MMRN1: variants seen among roughly 807,000 people sequenced by gnomAD.
MMRN1 encodes multimerin-1.
In MMRN1, 94 loss-of-function variants were observed where a neutral mutation model predicts 100.7. The ratio of observed to expected loss-of-function variants is 0.93; its 90% CI spans 0.79 to 1.11. The LOEUF (loss-of-function observed/expected upper bound fraction) is 1.11, where lower values mean the gene tolerates loss of function less well. Among genes scored for constraint, MMRN1 ranks in the 50% least tolerant of loss-of-function variants. The pLI is 0.00. For synonymous variants in MMRN1, 575 were observed against 505.0 expected, an observed-to-expected ratio of 1.14 and a Z score of -1.86; for missense variants, 1,606 against 1,439.1, an observed-to-expected ratio of 1.12 and a Z score of -1.88.
intron 3 of MMRN1, among the ~76,000 whole-genome samples, chr4:89,914,873 C>G (rs979511045): frequency 6.6e-6 from 1 of 151,440 alleles, no homozygotes; most frequent in Non-Finnish European, 1.5e-5. Context: ...GATTTAAATA[C>G]AAATAGTGTT....
At chr4:89,890,246 T>C (rs1164313233), upstream of MMRN1, among the ~76,000 whole-genome samples, 3 of 151,140 alleles carry the variant, frequency 2.0e-5, no homozygotes, top group Non-Finnish European at 4.4e-5. Context: ...TTTTTTTTTT[T>C]TTTCCCCTGT....
rs1356628830 is a variant in MMRN1 at position 89,935,780 on chromosome 4, C to T, written c.2100C>T (p.Asn700=). Residue 700 remains asparagine, a synonymous_variant, in exon 6 of 8, where the codon AAC becomes AAT. Transcript: ENST00000264790. The part of the protein sequence containing the change: ...FIIKELTKRH[N]LLRNEVQGRD... ...TCAAAGAACTTACAAAAAGACACAA[C>T]TTACTTAGAAATGAAGTACAGGGTC... 2.5e-6 allele frequency: 4 copies of T among 1,612,724 alleles called. No individual in the cohort carries two copies. The African/African-American group carries it at 5.3e-5, about 22-fold the overall frequency.
chr4:89,901,546 T>A (rs1171557779), intron 1 of MMRN1, among the ~76,000 whole-genome samples: 1 of 152,070 alleles, frequency 6.6e-6, no homozygotes, highest in Admixed American at 6.6e-5. Flanking sequence ...ATTCTTGTGT[T>A]GTTTTCAAAG....
Position 89,909,367 on chromosome 4 carries a change from G to A in MMRN1, c.715G>A (p.Gly239Ser), listed in dbSNP as rs184318183. ...TGTCCCAGGTGGGAAAGGACCTTGT[G>A]GCTGGACCGGTGGATCCTGTCCTCA... ...TYVPGGKGPCGWTGGSCPQRS... is the reference protein window; with the variant it reads ...TYVPGGKGPCSWTGGSCPQRS... The change falls in exon 2 of 8, where the codon GGC becomes AGC. Residue 239 changes from glycine (G) to serine (S), a missense_variant. Physicochemically the swap from Gly to Ser is moderately conservative, Grantham distance 56. Coordinates refer to ENST00000264790, the MANE Select transcript of MMRN1 (RefSeq NM_007351.3). The A allele has an allele frequency of 4.5e-5, 73 of 1,609,860 alleles. No homozygotes were observed. In the Admixed American group the frequency reaches 8.7e-4, roughly 19 times the overall value.
chr4:89,898,627 G>A lies in MMRN1; in HGVS notation c.623+3033G>A, dbSNP rs934540000. On this transcript the variant is annotated intron_variant, in intron 1 of 7. Coordinates refer to ENST00000264790, the MANE Select transcript of MMRN1 (RefSeq NM_007351.3). ...GCCTACCTCCCCAACCTCATCTTCC[G>A]CCACTTCCGGCTATTCAAATAAGTG... 4.0e-5 allele frequency among the ~76,000 whole-genome samples: 6 copies of A among 150,746 alleles called. No homozygotes were observed. In the South Asian group the frequency reaches 8.4e-4, roughly 21 times the overall value.
chr4:89,950,846 A>G (rs971162845), intron 6 of MMRN1, among the ~76,000 whole-genome samples: 1 of 152,014 alleles, frequency 6.6e-6, no homozygotes, highest in Non-Finnish European at 1.5e-5. Flanking sequence ...GGTGTGAGCC[A>G]CCATACCCGG....
At chr4:89,888,658 T>C (rs930487905) in intron 1 of MMRN1, among the ~76,000 whole-genome samples, 1 of 152,150 alleles carries the variant, frequency 6.6e-6, no homozygotes, top group Non-Finnish European at 1.5e-5. Context: ...GTTTCAGTTT[T>C]GATAATCTCT....
rs74333048 is a variant in MMRN1 at position 89,950,288 on chromosome 4, A to G, written c.3119-1317A>G. Among the ~76,000 whole-genome samples the G allele has an allele frequency of 8.4e-3, 1,276 of 152,288 alleles. 20 individuals are homozygous for G. Among genetic ancestry groups the G allele is most frequent in the African/African-American group, 0.029 (1,204 of 41,562 alleles). On this transcript the variant is annotated intron_variant, in intron 6 of 7. Coordinates refer to ENST00000264790, the MANE Select transcript of MMRN1 (RefSeq NM_007351.3). ...TTTAAATTTTTCAAGAATGCAAGTG[A>G]TATCATTTTGAATTGAAGAATTGTC...
intron 1 of MMRN1, among the ~76,000 whole-genome samples, chr4:89,907,961 G>A (rs192977832): frequency 3.7e-4 from 56 of 150,682 alleles, no homozygotes; most frequent in African/African-American, 1.3e-3. Context: ...TCTGGATTTT[G>A]TTGTTTGCAA....
chr4:89,951,092 G>T (rs1723156987), intron 6 of MMRN1, among the ~76,000 whole-genome samples: 2 of 152,000 alleles, frequency 1.3e-5, no homozygotes, highest in South Asian at 2.1e-4. Flanking sequence ...TGCTTTGAAA[G>T]AATTTTTTAA....
At chr4:89,894,851 T>C, upstream of MMRN1, 1 of 1,460,302 alleles carries the variant, frequency 6.8e-7, no homozygotes, top group Non-Finnish European at 9.0e-7. Context: ...CTGTTTCCTC[T>C]ACACATCTCA....
chr4:89,915,895 C>T (rs1245429821), intron 3 of MMRN1, among the ~76,000 whole-genome samples: 1 of 151,628 alleles, frequency 6.6e-6, no homozygotes, highest in Admixed American at 6.6e-5. Context: ...GAAATCTGTC[C>T]TGTATGGAAC....
intron 1 of MMRN1, chr4:89,902,029 C>A (rs527831277): frequency 6.6e-6 from 1 of 151,962 alleles, no homozygotes; most frequent in African/African-American, 2.4e-5. Context: ...AAGCCTGACA[C>A]CTACTGGAAT....
chr4:89,889,860 C>A (rs1721012725), upstream of MMRN1, among the ~76,000 whole-genome samples: 1 of 152,068 alleles, frequency 6.6e-6, no homozygotes, highest in Non-Finnish European at 1.5e-5. Flanking sequence ...TTAAAACAAT[C>A]TCTAGTACAT....
chr4:89,937,604 T>G (rs1265597415), intron 6 of MMRN1, among the ~76,000 whole-genome samples: 1 of 152,076 alleles, frequency 6.6e-6, no homozygotes, highest in African/African-American at 2.4e-5. Context: ...AGGTAAAAAG[T>G]TCACCTCTCT....
At chr4:89,901,593 T>G (rs1721390752) in intron 1 of MMRN1, among the ~76,000 whole-genome samples, 2 of 152,028 alleles carry the variant, frequency 1.3e-5, no homozygotes, top group Non-Finnish European at 2.9e-5. Context: ...AATGGGTTAT[T>G]CTTACATGCT....
intron 3 of MMRN1, among the ~76,000 whole-genome samples, chr4:89,919,657 A>G (rs1722028032): frequency 6.6e-6 from 1 of 151,992 alleles, no homozygotes; most frequent in Non-Finnish European, 1.5e-5. Flanking sequence ...GCAGAGTATC[A>G]TTACCTAATT....
intron 4 of MMRN1, among the ~76,000 whole-genome samples, chr4:89,924,756 A>G (rs1245021809): frequency 2.0e-5 from 3 of 152,132 alleles, no homozygotes; most frequent in Non-Finnish European, 4.4e-5. Context: ...AGGCAGGAGA[A>G]TCGCTTGAAC....
intron 1 of MMRN1, among the ~76,000 whole-genome samples, chr4:89,881,079 A>G (rs1720804747): frequency 6.6e-6 from 1 of 152,170 alleles, no homozygotes; most frequent in South Asian, 2.1e-4. Context: ...GCAAATCTGC[A>G]GAATTGCTTT....
Sources: gnomAD v4.1 joint callset for allele counts (sites outside exome capture counted in the v4.1 genomes callset) on GRCh38, gnomAD v4.1.1 for gene constraint, MANE v1.5 for transcripts, NCBI Gene and HGNC (gene_info 2026-07-23, HGNC 2026-07-21) for gene names.